SLC7A10: variants seen among roughly 807,000 people sequenced by gnomAD.
The protein encoded by SLC7A10 is asc-type amino acid transporter 1.
In SLC7A10, 30 loss-of-function variants were observed where a neutral mutation model predicts 52.7. The ratio of observed to expected loss-of-function variants is 0.57; its 90% CI spans 0.43 to 0.77. SLC7A10 has a LOEUF of 0.77. Ranked by LOEUF, SLC7A10 falls within the 30% of genes least tolerant of loss-of-function variation. The pLI, the probability that SLC7A10 is intolerant of heterozygous loss-of-function variation, is 0.00. For missense variants in SLC7A10, 581 were observed against 698.5 expected (o/e 0.83, Z 1.90); for synonymous variants, 318 against 314.9 (o/e 1.01, Z -0.10).
chr19:33,224,055 G>T, intron 1 of SLC7A10, among the ~76,000 whole-genome samples: 1 of 152,048 alleles, frequency 6.6e-6, no homozygotes, highest in African/African-American at 2.4e-5. Flanking sequence ...ATGGGATGTG[G>T]GGAGGGGATA....
chr19:33,223,943 TCACCACCACCACCACCAC>T (rs80120440), intron 1 of SLC7A10, among the ~76,000 whole-genome samples: 3 of 147,106 alleles, frequency 2.0e-5, no homozygotes, highest in Admixed American at 6.8e-5. Flanking sequence ...ACCTCTACCA[TCACCACCACCACCACCAC>T]CACCACCACC....
At chr19:33,212,733 C>T (rs1974583473) in intron 3 of SLC7A10, 94 bp from the exon 4 acceptor site, 3 of 1,607,874 alleles carry the variant, frequency 1.9e-6, no homozygotes, top group African/African-American at 2.7e-5. Context: ...AATGGCATCC[C>T]CTATAGCAGC....
chr19:33,214,191 C>T (rs1398124437), intron 2 of SLC7A10, among the ~76,000 whole-genome samples: 1 of 152,168 alleles, frequency 6.6e-6, no homozygotes, highest in Non-Finnish European at 1.5e-5. Flanking sequence ...CCTTTGAGGA[C>T]CCTCTCCCCA....
In SLC7A10 at chr19:33,212,336, C is replaced by G. The variant is rs1011148964; in HGVS notation, c.744G>C (p.Trp248Cys). The G allele has an allele frequency of 1.9e-6, 3 of 1,613,330 alleles. No homozygotes were observed. Among genetic ancestry groups the G allele is most frequent in the Non-Finnish European group, 2.5e-6 (3 of 1,179,876 alleles). The part of the protein sequence containing the change: ...FLQGSFAFSG[W>C]NFLNYVTEEM... ...CCTCGGTGACATAGTTGAGGAAGTT[C>G]CAGCCACTGAAGGCGAAGGAGCCCT... is the stretch of plus-strand genomic sequence containing the variant. Residue 248 changes from tryptophan to cysteine, a missense_variant, in exon 5 of 11, where the codon TGG becomes TGC. Trp to Cys is a radical substitution (Grantham distance 215). Transcript: ENST00000253188.
intron 2 of SLC7A10, among the ~76,000 whole-genome samples, chr19:33,213,346 T>C (rs1434942638): frequency 6.6e-6 from 1 of 151,692 alleles, no homozygotes; most frequent in Admixed American, 6.6e-5. Flanking sequence ...TGGAGTGCAG[T>C]GGCATGATCT....
At chr19:33,217,372 G>A (rs1599954280) in intron 1 of SLC7A10, among the ~76,000 whole-genome samples, 1 of 152,282 alleles carries the variant, frequency 6.6e-6, no homozygotes, top group East Asian at 1.9e-4. Context: ...TGTAGAGTAG[G>A]TTCCCAGGAT....
At position 33,210,553 on chromosome 19, in the gene SLC7A10, A is replaced by G; in HGVS notation, c.1177T>C (p.Phe393Leu). ...DTYTLINYVS[F>L]INYLCYGVTI... ...ACGCCGTAGCAGAGGTAGTTGATGA[A>G]GGACACATAGTTGATGAGCGTGTAC... Residue 393 changes from phenylalanine (F) to leucine (L), a missense_variant, in exon 9 of 11, where the codon TTC becomes CTC. Physicochemically the swap from Phe to Leu is conservative, Grantham distance 22 (BLOSUM62 0). Transcript: ENST00000253188. The surrounding 1 kb of genome is among the most constrained non-coding windows in gnomAD (Gnocchi z 5.6). 1 of 1,612,252 alleles carries G rather than the reference A, an allele frequency of 6.2e-7. No homozygotes were observed.
chr19:33,211,188 T>A, intron 7 of SLC7A10, 37 bp downstream of exon 7: 1 of 1,594,802 alleles, frequency 6.3e-7, no homozygotes, highest in Non-Finnish European at 8.6e-7. Flanking sequence ...CACCCCAGCC[T>A]TCCCTCCCCA....
At chr19:33,225,346 G>C (rs990968128) in intron 1 of SLC7A10, among the ~76,000 whole-genome samples, 2 of 152,384 alleles carry the variant, frequency 1.3e-5, no homozygotes, top group South Asian at 2.1e-4. Flanking sequence ...CCCAGGTGCA[G>C]GCGGCCGGGA....
chr19:33,209,652 C>G (rs1974496965), intron 9 of SLC7A10, among the ~76,000 whole-genome samples, 167 bp from the exon 10 acceptor site: 1 of 152,140 alleles, frequency 6.6e-6, no homozygotes, highest in African/African-American at 2.4e-5. Context: ...TGTTGGAGGC[C>G]AATTCATGGG....
chr19:33,222,196 T>C (rs935710386), intron 1 of SLC7A10, among the ~76,000 whole-genome samples: 5 of 151,646 alleles, frequency 3.3e-5, no homozygotes, highest in Non-Finnish European at 7.4e-5. Context: ...CCTAGGAATT[T>C]GAGATCAGCC....
chr19:33,217,142 G>A (rs1974704297), intron 1 of SLC7A10, among the ~76,000 whole-genome samples: 1 of 151,592 alleles, frequency 6.6e-6, no homozygotes, highest in African/African-American at 2.4e-5. Context: ...TTCCCAAAGT[G>A]CTAGGATTAC....
chr19:33,209,084 G>A (rs965913120), intron 10 of SLC7A10, 63 bp from the exon 11 acceptor site: 24 of 1,607,082 alleles, frequency 1.5e-5, no homozygotes, highest in African/African-American at 2.7e-5. Context: ...CCCCAGCTCC[G>A]GACACCTCCC....
At chr19:33,216,777 A>C (rs1599953686) in intron 1 of SLC7A10, among the ~76,000 whole-genome samples, 1 of 151,988 alleles carries the variant, frequency 6.6e-6, no homozygotes. Flanking sequence ...ATGGGGTTTC[A>C]CCCTGTGGAT....
In SLC7A10 at chr19:33,208,924, C is replaced by T; in HGVS notation, c.1539G>A (p.Leu513=). Residue 513 remains leucine (L), a synonymous_variant, in exon 11 of 11, where the codon CTG becomes CTA. Coordinates refer to ENST00000253188, the MANE Select transcript of SLC7A10 (RefSeq NM_019849.3). The surrounding 1 kb of genome is among the most constrained non-coding windows in gnomAD (Gnocchi z 4.7). Reference sequence around the variant, plus strand: ...GCTTCGAGGGCTTGTCTGTGGCAGGCAGCAGGGAGGGTGGGCAGGGGCCAT... The same window carrying T: ...GCTTCGAGGGCTTGTCTGTGGCAGGTAGCAGGGAGGGTGGGCAGGGGCCAT... ...EENGPCPPSL[L]PATDKPSKPQ 2 of 1,612,618 alleles carry T rather than the reference C, an allele frequency of 1.2e-6. No individual in the cohort carries two copies. The highest frequency in any genetic ancestry group is 1.7e-6 in the Non-Finnish European group (2 of 1,179,508).
intron 1 of SLC7A10, among the ~76,000 whole-genome samples, chr19:33,219,372 G>A (rs1974765594): frequency 6.6e-6 from 1 of 152,240 alleles, no homozygotes; most frequent in Non-Finnish European, 1.5e-5. Flanking sequence ...TATTTCTGGA[G>A]GCAGCGGCAG....
At position 33,210,457 on chromosome 19, in the gene SLC7A10, A is replaced by C. The variant is rs1386575908; in HGVS notation, c.1263+10T>G. 6.3e-7 allele frequency: 1 copy of C among 1,579,932 alleles called. No individual in the cohort carries two copies. The highest frequency in any genetic ancestry group is 1.3e-5 in the African/African-American group (1 of 74,294). ...CACCCGGCACAGGGCCAGCTGTCCCAGGGCCTCACCTTGATGGGCCTGTGG... is the reference window on the plus strand; with the variant it reads ...CACCCGGCACAGGGCCAGCTGTCCCCGGGCCTCACCTTGATGGGCCTGTGG... On this transcript the variant is annotated intron_variant, in intron 9 of 10. Transcript: ENST00000253188. The surrounding 1 kb of genome is among the most constrained non-coding windows in gnomAD (Gnocchi z 5.6).
chr19:33,222,801 C>A (rs1396601926), intron 1 of SLC7A10, among the ~76,000 whole-genome samples: 1 of 152,158 alleles, frequency 6.6e-6, no homozygotes, highest in African/African-American at 2.4e-5. Flanking sequence ...CAGTGGCCGG[C>A]GGGCACTGCC....
At chr19:33,224,603 T>A (rs1425333641) in intron 1 of SLC7A10, among the ~76,000 whole-genome samples, 1 of 152,080 alleles carries the variant, frequency 6.6e-6, no homozygotes, top group Non-Finnish European at 1.5e-5. Flanking sequence ...GAAGACTGGC[T>A]GGCGGTAAGG....
Sources: gnomAD v4.1 joint callset for allele counts (sites outside exome capture counted in the v4.1 genomes callset) on GRCh38, gnomAD v4.1.1 for gene constraint, Gnocchi (gnomAD v3.1) non-coding constraint, MANE v1.5 for transcripts, NCBI Gene and HGNC (gene_info 2026-07-23, HGNC 2026-07-21) for gene names.